ANXA6: variants seen among roughly 807,000 people sequenced by gnomAD.
ANXA6 encodes annexin A6.
A neutral mutation model predicts 95.4 loss-of-function variants in ANXA6; 71 were observed. That is an observed-to-expected ratio of 0.74 (90% CI 0.61 to 0.91). The LOEUF (loss-of-function observed/expected upper bound fraction) is 0.91, where lower values mean the gene tolerates loss of function less well. Ranked by LOEUF, ANXA6 falls within the 40% of genes least tolerant of loss-of-function variation. The pLI, the probability that ANXA6 is intolerant of heterozygous loss-of-function variation, is 0.00. For synonymous variants in ANXA6, 289 were observed against 315.9 expected (o/e 0.91, Z 0.90); for missense variants, 830 against 876.4 (o/e 0.95, Z 0.67).
chr5:151,104,806 C>A (rs940097187), intron 24 of ANXA6, among the ~76,000 whole-genome samples: 3 of 152,086 alleles, frequency 2.0e-5, no homozygotes, highest in African/African-American at 7.3e-5. Flanking sequence ...ACCCTGTGTC[C>A]CCGGATAGAT....
chr5:151,146,957 G>C (rs887017689), intron 2 of ANXA6, among the ~76,000 whole-genome samples: 2 of 152,072 alleles, frequency 1.3e-5, no homozygotes, highest in African/African-American at 4.8e-5. Flanking sequence ...ATTTTTTCTA[G>C]AGACAGGGTT....
At chr5:151,108,669 A>G in intron 22 of ANXA6, 119 bp from the exon 23 acceptor site, 1 of 820,114 alleles carries the variant, frequency 1.2e-6, no homozygotes, top group East Asian at 2.4e-5. Context: ...GAAGGGCAGC[A>G]AATATGGCCA....
chr5:151,111,061 C>T (rs1023415856), intron 20 of ANXA6, among the ~76,000 whole-genome samples: 1 of 152,160 alleles, frequency 6.6e-6, no homozygotes, highest in South Asian at 2.1e-4. Context: ...AAGTTCTCTG[C>T]ACCCTTTAGC....
chr5:151,139,477 A>G lies in ANXA6; in HGVS notation c.110-30T>C, dbSNP rs377065795. On this transcript the variant is annotated intron_variant, in intron 3 of 25. Coordinates refer to ENST00000354546, the MANE Select transcript of ANXA6 (RefSeq NM_001155.5). ...AATAGGGGAGAGCAATCATCATCCT[A>G]CCCACCCTGCCTCCAGGAAGCCCAC... The G allele has an allele frequency of 4.5e-6, 7 of 1,561,648 alleles. No individual in the cohort carries two copies. In the African/African-American group the frequency reaches 9.5e-5, roughly 21 times the overall value.
Position 151,126,446 on chromosome 5 carries a change from C to T in ANXA6, c.1012G>A (p.Val338Met). The change falls in exon 14 of 26, where the codon GTG becomes ATG. Residue 338 changes from valine to methionine, a missense_variant. Transcript: ENST00000354546. ...CTAAGTTCCCACATCTGATAGGCCA[C>T]CTGCGCTGCCTCCGGGAAGAACTGG... ...AGQFFPEAAQ[V>M]AYQMWELSAV... 1 of 1,610,990 alleles carries T rather than the reference C, an allele frequency of 6.2e-7. No individual in the cohort carries two copies. The highest frequency in any genetic ancestry group is 8.5e-7 in the Non-Finnish European group (1 of 1,178,672).
intron 2 of ANXA6, chr5:151,141,534 T>C: frequency 1.8e-5 from 18 of 985,504 alleles, no homozygotes; most frequent in Non-Finnish European, 2.2e-5. Flanking sequence ...AGATCTTGCC[T>C]TCAAGGAGTC....
chr5:151,125,591 C>T (rs972196898), intron 14 of ANXA6, among the ~76,000 whole-genome samples: 10 of 152,156 alleles, frequency 6.6e-5, no homozygotes, highest in African/African-American at 2.4e-4. Flanking sequence ...GAGACGGCGG[C>T]ACCAAACCAA....
At chr5:151,124,930 T>C (rs13166188) in intron 14 of ANXA6, among the ~76,000 whole-genome samples, 20,873 of 152,264 alleles carry the variant, frequency 0.14, 1,544 homozygotes, top group South Asian at 0.18. Context: ...TCTACTTAAA[T>C]GCATCAATTT....
intron 11 of ANXA6, among the ~76,000 whole-genome samples, chr5:151,130,461 C>A (rs376813441): frequency 6.6e-6 from 1 of 152,110 alleles, no homozygotes; most frequent in Non-Finnish European, 1.5e-5. Flanking sequence ...TACTATGTTG[C>A]CCAGGCTGGT....
At chr5:151,118,110 G>C (rs1235527757) in intron 18 of ANXA6, among the ~76,000 whole-genome samples, 1 of 152,048 alleles carries the variant, frequency 6.6e-6, no homozygotes, top group East Asian at 1.9e-4. Context: ...ATATTTAACA[G>C]CCTCTTAAGT....
chr5:151,156,269 C>T (rs899989994), intron 1 of ANXA6, among the ~76,000 whole-genome samples: 3 of 152,198 alleles, frequency 2.0e-5, no homozygotes, highest in Admixed American at 2.0e-4. Flanking sequence ...TCTGCACTGG[C>T]AGTGGCAGCC....
chr5:151,138,878 C>G (rs1219772216), intron 4 of ANXA6, 87 bp from the exon 5 acceptor site: 2 of 876,780 alleles, frequency 2.3e-6, no homozygotes. Flanking sequence ...AGCACTTACT[C>G]TGGCAGGTGC....
intron 16 of ANXA6, 22 bp downstream of exon 16, chr5:151,122,895 G>A (rs1249749865): frequency 5.0e-6 from 8 of 1,608,330 alleles, no homozygotes; most frequent in African/African-American, 1.3e-5. Flanking sequence ...GTTGCACAGA[G>A]AGCCCAGGAG....
intron 2 of ANXA6, chr5:151,140,658 C>T (rs1316402451): frequency 2.6e-5 from 4 of 151,354 alleles, no homozygotes; most frequent in African/African-American, 9.8e-5. Context: ...AATGCCTGGC[C>T]TCAAGCAGTC....
intron 19 of ANXA6, 95 bp downstream of exon 19, chr5:151,117,663 C>T (rs1765040008): frequency 2.7e-6 from 3 of 1,108,208 alleles, no homozygotes; most frequent in South Asian, 1.4e-5. Flanking sequence ...CAGGAGTGCA[C>T]TTCTAACTCC....
In ANXA6 at chr5:151,138,935, G is replaced by A. The variant is rs1765746908; in HGVS notation, c.205-144C>T. 8 of 654,398 alleles carry A rather than the reference G, an allele frequency of 1.2e-5. No individual in the cohort carries two copies. In the South Asian group the frequency reaches 1.4e-4, roughly 12 times the overall value. 40.5% of individuals were successfully genotyped at this position (654,398 alleles called of 1,614,324 possible). ...ATCATCACCCTTGGAGGTATGTACT[G>A]TTACCAACCCTAAGAGACAGGCTCA... On this transcript the variant is annotated intron_variant, in intron 4 of 25. Coordinates refer to ENST00000354546, the MANE Select transcript of ANXA6 (RefSeq NM_001155.5).
Position 151,129,536 on chromosome 5 carries a change from G to A in ANXA6, c.796-7C>T, listed in dbSNP as rs1209439776. 2 of 1,596,522 alleles carry A rather than the reference G, an allele frequency of 1.3e-6. No individual in the cohort carries two copies. The highest frequency in any genetic ancestry group is 4.5e-5 in the East Asian group (2 of 44,212). On this transcript the variant is annotated splice_polypyrimidine_tract_variant and splice_region_variant and intron_variant, in intron 11 of 25. Transcript: ENST00000354546. ...TGTCCCGAGTCCCCAGGCCCTGCAA[G>A]ACAAGTGGGTTTGGGGAACATGGAC...
intron 25 of ANXA6, 95 bp from the exon 26 acceptor site, chr5:151,101,602 G>T: frequency 9.0e-7 from 1 of 1,105,196 alleles, no homozygotes; most frequent in Non-Finnish European, 1.4e-6. Flanking sequence ...ATCTCCCTCG[G>T]CTTCTCTCCA....
At chr5:151,130,478 C>A (rs1404134126) in intron 11 of ANXA6, among the ~76,000 whole-genome samples, 1 of 152,208 alleles carries the variant, frequency 6.6e-6, no homozygotes, top group Non-Finnish European at 1.5e-5. Context: ...TGGTCTTGAA[C>A]TTTGGGCCTC....
Sources: allele counts gnomAD v4.1 joint callset (sites outside exome capture counted in the v4.1 genomes callset), GRCh38; gene constraint gnomAD v4.1.1; transcripts MANE v1.5; gene names NCBI Gene and HGNC (gene_info 2026-07-23, HGNC 2026-07-21).